The following ESRRG variants were observed in gnomAD, a reference collection of about 807,000 sequenced individuals.
ESRRG encodes estrogen related receptor gamma.
A neutral mutation model predicts 44.0 loss-of-function variants in ESRRG; 13 were observed. The observed-to-expected ratio is 0.30, with a 90% CI of 0.19 to 0.47. The LOEUF is 0.47. Ranked by LOEUF, ESRRG falls within the 20% of genes least tolerant of loss-of-function variation. ESRRG has a pLI of 1.00. For missense variants in ESRRG, 395 were observed against 580.6 expected (o/e 0.68, Z 3.29); for synonymous variants, 215 against 214.6 (o/e 1.00, Z -0.02).
At chr1:216,724,314 A>C (rs2087024504), upstream of ESRRG, among the ~76,000 whole-genome samples, 1 of 151,846 alleles carries the variant, frequency 6.6e-6, no homozygotes, top group Non-Finnish European at 1.5e-5. Context: ...GTGGGGGTAA[A>C]TAGCGAATTA....
intron 1 of ESRRG, among the ~76,000 whole-genome samples, chr1:217,134,781 C>G (rs546540142): frequency 6.6e-6 from 1 of 152,368 alleles, no homozygotes; most frequent in South Asian, 2.1e-4. Context: ...GTCCCGTCCC[C>G]TTGACGTTTG....
At chr1:217,075,360 G>A (rs1222448583) in intron 1 of ESRRG, among the ~76,000 whole-genome samples, 3 of 152,172 alleles carry the variant, frequency 2.0e-5, no homozygotes, top group African/African-American at 7.2e-5. Flanking sequence ...GGTAGGTGAA[G>A]TCACTTGGCC....
At chr1:216,546,553 G>A (rs1178820266) in intron 5 of ESRRG, among the ~76,000 whole-genome samples, 1 of 151,860 alleles carries the variant, frequency 6.6e-6, no homozygotes, top group East Asian at 1.9e-4. Context: ...CAAGAGGATC[G>A]GCATTTTCAT....
In ESRRG at chr1:216,986,890, A is replaced by G. The variant is rs575812100; in HGVS notation, c.-105-47217T>C. ...CCTAAAAATTTACATAATGTTGCCA[A>G]TAATGAGTAGTGTAACTAAAAGAAG... On this transcript the variant is annotated intron_variant, in intron 1 of 7. Coordinates refer to the ESRRG transcript ENST00000359162. Among the ~76,000 whole-genome samples the G allele has an allele frequency of 3.9e-5, 6 of 152,324 alleles. No individual in the cohort carries two copies. In the East Asian group the frequency reaches 1.2e-3, roughly 29 times the overall value.
chr1:216,825,551 T>A (rs2095376578), intron 2 of ESRRG, among the ~76,000 whole-genome samples: 1 of 152,088 alleles, frequency 6.6e-6, no homozygotes, highest in Non-Finnish European at 1.5e-5. Context: ...TCTGAGGTAG[T>A]GAGTTCTAAG....
intron 1 of ESRRG, among the ~76,000 whole-genome samples, chr1:217,106,389 TATGCACACAC>T (rs779452414): frequency 1.1e-4 from 16 of 145,252 alleles, no homozygotes; most frequent in Non-Finnish European, 1.5e-4. Flanking sequence ...CACACTCACA[TATGCACACAC>T]ACACACACAC....
At chr1:216,743,699 C>T (rs1038609162) in intron 2 of ESRRG, among the ~76,000 whole-genome samples, 1 of 152,144 alleles carries the variant, frequency 6.6e-6, no homozygotes, top group Non-Finnish European at 1.5e-5. Flanking sequence ...ATCATCATCA[C>T]TGTCACTGTC....
intron 1 of ESRRG, among the ~76,000 whole-genome samples, chr1:216,986,478 C>T (rs975778694): frequency 2.6e-5 from 4 of 151,958 alleles, no homozygotes; most frequent in Admixed American, 6.5e-5. Context: ...CTTTGGGAGG[C>T]GAAGGTGGGC....
chr1:216,987,321 C>A (rs1392852517), intron 1 of ESRRG, among the ~76,000 whole-genome samples: 2 of 152,224 alleles, frequency 1.3e-5, no homozygotes, highest in Non-Finnish European at 2.9e-5. Context: ...GAAAAGCCAT[C>A]AACCTATGAA....
intron 1 of ESRRG, among the ~76,000 whole-genome samples, chr1:216,679,133 G>A (rs960511994): frequency 1.3e-5 from 2 of 152,174 alleles, no homozygotes; most frequent in Non-Finnish European, 2.9e-5. Flanking sequence ...ATAGGAAGGC[G>A]AAAGCCACGA....
At chr1:217,061,871 G>C (rs1261627070) in intron 1 of ESRRG, among the ~76,000 whole-genome samples, 2 of 152,092 alleles carry the variant, frequency 1.3e-5, no homozygotes, top group African/African-American at 4.8e-5. Context: ...TGTCATCTAT[G>C]TGCTTTCCTC....
chr1:216,970,981 C>G (rs969741056), intron 1 of ESRRG, among the ~76,000 whole-genome samples: 14 of 152,160 alleles, frequency 9.2e-5, no homozygotes, highest in African/African-American at 3.1e-4. Flanking sequence ...ACAGAAAGGT[C>G]ACCCAGCCCT....
intron 2 of ESRRG, among the ~76,000 whole-genome samples, chr1:216,657,145 G>C (rs957319446): frequency 2.0e-5 from 3 of 151,456 alleles, no homozygotes; most frequent in African/African-American, 7.3e-5. Flanking sequence ...TCAATGCTTC[G>C]TTTCTAGCTA....
chr1:216,585,995 G>A (rs1046302291), intron 3 of ESRRG, among the ~76,000 whole-genome samples: 2 of 150,600 alleles, frequency 1.3e-5, no homozygotes, highest in African/African-American at 4.9e-5. Context: ...AGCCGAGACT[G>A]TGCCACTGCA....
intron 2 of ESRRG, among the ~76,000 whole-genome samples, chr1:216,767,633 G>A (rs2093149852): frequency 6.6e-6 from 1 of 152,170 alleles, no homozygotes; most frequent in South Asian, 2.1e-4. Flanking sequence ...AGATAACTGA[G>A]TAACTAGAGA....
chr1:216,963,649 C>T (rs2069614533), intron 1 of ESRRG, among the ~76,000 whole-genome samples: 2 of 151,992 alleles, frequency 1.3e-5, no homozygotes, highest in African/African-American at 4.8e-5. Context: ...TGACATTTTG[C>T]CAAATATTAA....
At chr1:216,523,946 T>G (rs765578781) in intron 5 of ESRRG, among the ~76,000 whole-genome samples, 7 of 152,014 alleles carry the variant, frequency 4.6e-5, no homozygotes, top group Non-Finnish European at 8.8e-5. Flanking sequence ...AAGTTCATTT[T>G]GAGAAGCTGA....
chr1:216,542,800 C>A (rs577076420), intron 5 of ESRRG, among the ~76,000 whole-genome samples: 1 of 152,080 alleles, frequency 6.6e-6, no homozygotes, highest in South Asian at 2.1e-4. Flanking sequence ...CCACACTTTG[C>A]ATGGACAATA....
chr1:217,046,910 G>A (rs60712319), intron 1 of ESRRG, among the ~76,000 whole-genome samples: 13,238 of 152,028 alleles, frequency 0.087, 1,543 homozygotes, highest in African/African-American at 0.27. Context: ...GGGAATGGAA[G>A]ATATGCAACA....
Sources: allele counts gnomAD v4.1 joint callset (sites outside exome capture counted in the v4.1 genomes callset), GRCh38; gene constraint gnomAD v4.1.1; transcripts MANE v1.5; gene names NCBI Gene and HGNC (gene_info 2026-07-23, HGNC 2026-07-21).